Variants in ARNT2 observed in about 807,000 individuals in gnomAD.
ARNT2 encodes the protein aryl hydrocarbon receptor nuclear translocator 2.
Under a neutral mutation model 91.7 loss-of-function variants are expected in ARNT2, and 36 were observed. That is an observed-to-expected ratio of 0.39 (90% CI 0.30 to 0.52). The LOEUF is 0.52. Among genes scored for constraint, ARNT2 ranks in the 20% least tolerant of loss-of-function variants. The pLI is 0.72. For synonymous variants in ARNT2, 365 were observed against 347.1 expected, an observed-to-expected ratio of 1.05 and a Z score of -0.57; for missense variants, 775 against 939.3, an observed-to-expected ratio of 0.83 and a Z score of 2.29.
chr15:80,529,047 A>T (rs77181922), intron 8 of ARNT2, among the ~76,000 whole-genome samples: 1,632 of 152,132 alleles, frequency 0.011, 21 homozygotes, highest in East Asian at 0.039. Flanking sequence ...CCATTGTTTT[A>T]TTCTATTTTA....
intron 1 of ARNT2, among the ~76,000 whole-genome samples, chr15:80,430,587 C>T (rs1895994194): frequency 1.3e-5 from 2 of 152,182 alleles, no homozygotes; most frequent in African/African-American, 4.8e-5. Context: ...CTGCAAATAG[C>T]CTCAGTCCCT....
intron 17 of ARNT2, among the ~76,000 whole-genome samples, chr15:80,585,320 G>A (rs1898876040): frequency 6.6e-6 from 1 of 152,186 alleles, no homozygotes; most frequent in African/African-American, 2.4e-5. Flanking sequence ...CAAAGTAAGT[G>A]GGGAAAGTGT....
At chr15:80,478,961 A>G (rs1299681566) in intron 5 of ARNT2, among the ~76,000 whole-genome samples, 1 of 152,192 alleles carries the variant, frequency 6.6e-6, no homozygotes, top group Non-Finnish European at 1.5e-5. Context: ...TGGGAGAGTC[A>G]GGGTGGAAGG....
chr15:80,483,744 A>G (rs542187526), intron 5 of ARNT2, among the ~76,000 whole-genome samples: 5 of 152,216 alleles, frequency 3.3e-5, no homozygotes, highest in Non-Finnish European at 5.9e-5. Context: ...CCAGTTATAC[A>G]TGATGCTGCA....
At chr15:80,553,976 A>C (rs1898130533) in intron 10 of ARNT2, among the ~76,000 whole-genome samples, 1 of 152,222 alleles carries the variant, frequency 6.6e-6, no homozygotes, top group African/African-American at 2.4e-5. Flanking sequence ...CCATTTATCT[A>C]GTGGCACCTC....
chr15:80,491,299 G>T (rs531182389), intron 5 of ARNT2, among the ~76,000 whole-genome samples: 1 of 152,206 alleles, frequency 6.6e-6, no homozygotes, highest in Non-Finnish European at 1.5e-5. Flanking sequence ...AGGCAAGGAG[G>T]AACAAGTCAC....
chr15:80,426,710 G>T (rs902177662), intron 1 of ARNT2, among the ~76,000 whole-genome samples: 2 of 152,196 alleles, frequency 1.3e-5, no homozygotes, highest in Non-Finnish European at 2.9e-5. Context: ...TATCCTTCTG[G>T]TTAGGTGCTG....
chr15:80,472,573 C>A (rs889928614), intron 4 of ARNT2, among the ~76,000 whole-genome samples: 1 of 152,200 alleles, frequency 6.6e-6, no homozygotes, highest in African/African-American at 2.4e-5. Context: ...TCTAAATCAT[C>A]CCAGTGGTCA....
chr15:80,432,051 C>T (rs553216533), intron 1 of ARNT2, among the ~76,000 whole-genome samples: 41 of 152,232 alleles, frequency 2.7e-4, no homozygotes, highest in Non-Finnish European at 5.4e-4. Context: ...TTTTTCTCCA[C>T]GGAGAATTGA....
At position 80,491,630 on chromosome 15, in the gene ARNT2, A is replaced by C. The variant is rs557747473; in HGVS notation, c.622+16407A>C. Among the ~76,000 whole-genome samples, 9 of 152,200 alleles carry C rather than the reference A, an allele frequency of 5.9e-5. No individual in the cohort carries two copies. In the South Asian group the frequency reaches 1.9e-3, roughly 32 times the overall value. On this transcript the variant is annotated intron_variant, in intron 5 of 18. Coordinates refer to ENST00000303329, the MANE Select transcript of ARNT2 (RefSeq NM_014862.4). ...AAGCAGTCCCTGAAAGCATGTTAACATGATCCAATTTGCATTTTTATATAG... is the reference window on the plus strand; with the variant it reads ...AAGCAGTCCCTGAAAGCATGTTAACCTGATCCAATTTGCATTTTTATATAG...
chr15:80,586,468 C>T (rs972491947), intron 17 of ARNT2, among the ~76,000 whole-genome samples: 9 of 152,088 alleles, frequency 5.9e-5, no homozygotes, highest in African/African-American at 1.2e-4. Context: ...TTACAAAGCT[C>T]GAGAAACACA....
At chr15:80,430,467 A>G (rs555932382) in intron 1 of ARNT2, among the ~76,000 whole-genome samples, 35 of 152,342 alleles carry the variant, frequency 2.3e-4, no homozygotes, top group African/African-American at 4.1e-4. Flanking sequence ...CTATCCTGGA[A>G]GCTCCTTGGA....
rs896137608 is a variant in ARNT2, at chr15:80,439,233, C to A, written c.32-11647C>A. ...TTGAAAGTGAACATGCGGACTTGAG[C>A]AATAAGTTCATGTGGCATGGCTTAT... On this transcript the variant is annotated intron_variant, in intron 1 of 18. Transcript: ENST00000303329. Among the ~76,000 whole-genome samples, 7 of 152,152 alleles carry A rather than the reference C, an allele frequency of 4.6e-5. No individual in the cohort carries two copies. In the East Asian group the frequency reaches 5.8e-4, roughly 13 times the overall value.
chr15:80,446,713 T>C (rs945565672), intron 1 of ARNT2, among the ~76,000 whole-genome samples: 2 of 152,228 alleles, frequency 1.3e-5, no homozygotes, highest in Non-Finnish European at 2.9e-5. Context: ...GATGTAAAGC[T>C]TGTGCAAAGA....
In ARNT2 at chr15:80,554,884, G is replaced by T. The variant is rs1707644912; in HGVS notation, c.1090-181G>T. The T allele has an allele frequency of 5.3e-6, 3 of 568,198 alleles. No homozygotes were observed. The South Asian group carries it at 7.5e-5, about 14-fold the overall frequency. 35.2% of individuals were successfully genotyped at this position (568,198 alleles called of 1,614,324 possible). ...CAGAAGAACTTAGAGTGAATACCAA[G>T]AAGCCAGTTCTCTGACGGCTCCCAG... On this transcript the variant is annotated intron_variant, in intron 10 of 18. Coordinates refer to ENST00000303329, the MANE Select transcript of ARNT2 (RefSeq NM_014862.4).
chr15:80,567,081 G>A (rs1419003820), intron 12 of ARNT2, among the ~76,000 whole-genome samples: 1 of 152,156 alleles, frequency 6.6e-6, no homozygotes, highest in East Asian at 1.9e-4. Context: ...AGAAAATAGG[G>A]AAGCTTGAGA....
intron 11 of ARNT2, 198 bp downstream of exon 11, chr15:80,555,337 TAGG>T (rs1898161647): frequency 7.3e-6 from 4 of 549,888 alleles, no homozygotes; most frequent in Middle Eastern, 4.4e-4. Flanking sequence ...TACTATGTAA[TAGG>T]AGGAGAACTC....
chr15:80,580,627 C>T (rs1012387150), intron 16 of ARNT2, 78 bp downstream of exon 16: 72 of 1,582,186 alleles, frequency 4.6e-5, no homozygotes, highest in Non-Finnish European at 5.3e-5. Context: ...CTTTGGATTG[C>T]GGTTCTGAGG....
chr15:80,564,398 C>G (rs1898434409), intron 12 of ARNT2, among the ~76,000 whole-genome samples: 1 of 152,126 alleles, frequency 6.6e-6, no homozygotes, highest in Non-Finnish European at 1.5e-5. Flanking sequence ...ATCTGGGCCC[C>G]ACAAAGTAAC....
Sources: allele counts gnomAD v4.1 joint callset (sites outside exome capture counted in the v4.1 genomes callset), GRCh38; gene constraint gnomAD v4.1.1; transcripts MANE v1.5; gene names NCBI Gene and HGNC (gene_info 2026-07-23, HGNC 2026-07-21).